MN1: variants seen among roughly 807,000 people sequenced by gnomAD.
The protein encoded by MN1 is transcriptional activator MN1.
In MN1, 19 loss-of-function variants were observed where a neutral mutation model predicts 86.9. That is an observed-to-expected ratio of 0.22 (90% CI 0.15 to 0.32). The LOEUF is 0.32. Among genes scored for constraint, MN1 ranks in the 10% least tolerant of loss-of-function variants. MN1 has a pLI of 1.00. For missense variants in MN1, 1,841 were observed against 1,862.0 expected, an observed-to-expected ratio of 0.99 and a Z score of 0.21; for synonymous variants, 928 against 849.6, an observed-to-expected ratio of 1.09 and a Z score of -1.60.
intron 1 of MN1, among the ~76,000 whole-genome samples, chr22:27,792,348 AT>A (rs1297577082): frequency 0.08 from 11,265 of 140,222 alleles, 556 homozygotes; most frequent in South Asian, 0.14. Context: ...ATATATATAT[AT>A]ATGAATATAT....
chr22:27,752,938 T>G (rs544980448), intron 1 of MN1, among the ~76,000 whole-genome samples: 2 of 152,304 alleles, frequency 1.3e-5, no homozygotes, highest in Non-Finnish European at 2.9e-5. Context: ...CGGCCCGCCC[T>G]GCCCTCTGGG....
chr22:27,753,355 G>C (rs889475964), intron 1 of MN1, among the ~76,000 whole-genome samples: 1 of 152,180 alleles, frequency 6.6e-6, no homozygotes, highest in Non-Finnish European at 1.5e-5. Flanking sequence ...TGTGGCCAAG[G>C]CTCTACCATG....
chr22:27,769,891 C>T (rs902706957), intron 1 of MN1, among the ~76,000 whole-genome samples: 2 of 151,904 alleles, frequency 1.3e-5, no homozygotes, highest in Non-Finnish European at 2.9e-5. Context: ...GCTATGTGGC[C>T]AGCCCCAAGT....
chr22:27,759,887 T>TC, intron 1 of MN1, among the ~76,000 whole-genome samples: 1 of 152,192 alleles, frequency 6.6e-6, no homozygotes, highest in African/African-American at 2.4e-5. Context: ...TATACAACCC[T>TC]CCCCCCAAAT....
rs762012410 is a variant in MN1, at chr22:27,750,871, G to C, written c.*44C>G. 3.3e-6 allele frequency: 5 copies of C among 1,504,580 alleles called. No homozygotes were observed. Among genetic ancestry groups the C allele is most frequent in the East Asian group, 2.3e-5 (1 of 42,618 alleles). The allele number at this position is 1,504,580 out of a possible 1,614,324, so 93.2% of individuals were successfully genotyped here. Reference sequence around the variant, plus strand: ...GGTTGAGGGGGAAGGAAACAGACAGGGGGAGAGGAAGGGCCTGGTAGAGGA... The same window carrying C: ...GGTTGAGGGGGAAGGAAACAGACAGCGGGAGAGGAAGGGCCTGGTAGAGGA... On this transcript the variant is annotated 3_prime_UTR_variant, in exon 2 of 2. Transcript: ENST00000302326.
chr22:27,773,558 A>C (rs1379684674), intron 1 of MN1, among the ~76,000 whole-genome samples: 1 of 152,224 alleles, frequency 6.6e-6, no homozygotes, highest in Non-Finnish European at 1.5e-5. Context: ...TAGCCGAGGA[A>C]ACTGAGACAT....
chr22:27,772,077 G>A (rs1249579079), intron 1 of MN1, among the ~76,000 whole-genome samples: 1 of 152,196 alleles, frequency 6.6e-6, no homozygotes, highest in Non-Finnish European at 1.5e-5. Context: ...GGACGAAAGG[G>A]GCTGTTATGT....
chr22:27,786,734 G>A (rs756143851), intron 1 of MN1, among the ~76,000 whole-genome samples: 21 of 152,040 alleles, frequency 1.4e-4, no homozygotes, highest in Non-Finnish European at 2.5e-4. Context: ...GAGTGATGGT[G>A]AAAGGCGCCA....
chr22:27,761,368 T>C (rs983484967), intron 1 of MN1, among the ~76,000 whole-genome samples: 1 of 150,854 alleles, frequency 6.6e-6, no homozygotes, highest in Non-Finnish European at 1.5e-5. Context: ...CTCCCTCTTA[T>C]TCTCTAGTTC....
intron 1 of MN1, among the ~76,000 whole-genome samples, chr22:27,791,153 G>A (rs1933206115): frequency 6.6e-6 from 1 of 152,062 alleles, no homozygotes; most frequent in Non-Finnish European, 1.5e-5. Flanking sequence ...ACACTGAACT[G>A]CATGGGGCCC....
chr22:27,798,279 G>A lies in MN1; in HGVS notation c.2265C>T (p.Ser755=), dbSNP rs779961291. The A allele has an allele frequency of 3.5e-5, 54 of 1,528,066 alleles. No individual in the cohort carries two copies. Among genetic ancestry groups the A allele is most frequent in the Non-Finnish European group, 4.6e-5 (53 of 1,148,114 alleles). The allele number at this position is 1,528,066 out of a possible 1,614,324, so 94.7% of individuals were successfully genotyped here. The part of the protein sequence containing the change: ...GFPFGAAGRQ[S]TPHSGPGVNS... The stretch of plus-strand genomic sequence containing the variant: ...TCACGCCTGGACCGCTGTGCGGCGT[G>A]GACTGCCGGCCGGCTGCACCAAACG... Residue 755 remains serine, a synonymous_variant, in exon 1 of 2, where the codon TCC becomes TCT. Coordinates refer to ENST00000302326, the MANE Select transcript of MN1 (RefSeq NM_002430.3).
At chr22:27,761,433 A>G (rs201170467) in intron 1 of MN1, among the ~76,000 whole-genome samples, 20,061 of 98,864 alleles carry the variant, frequency 0.2, 1,643 homozygotes, top group Middle Eastern at 0.28. Flanking sequence ...TTTTTGGGGG[A>G]AAAAAAAAAA....
chr22:27,788,829 C>A (rs979167211), intron 1 of MN1, among the ~76,000 whole-genome samples: 1 of 152,128 alleles, frequency 6.6e-6, no homozygotes, highest in African/African-American at 2.4e-5. Context: ...GGGCCCTCAA[C>A]TTTGACGCAG....
intron 1 of MN1, among the ~76,000 whole-genome samples, chr22:27,783,159 G>C (rs1381359854): frequency 1.3e-5 from 2 of 148,566 alleles, no homozygotes; most frequent in African/African-American, 5.0e-5. Flanking sequence ...TCTTGAGACA[G>C]AGTCTTGCTC....
At chr22:27,781,854 G>GCTCTCT (rs148328533) in intron 1 of MN1, among the ~76,000 whole-genome samples, 1 of 148,858 alleles carries the variant, frequency 6.7e-6, no homozygotes, top group Non-Finnish European at 1.5e-5. Flanking sequence ...TCACTCTCAA[G>GCTCTCT]CTCTCTCTCT....
At position 27,800,685 on chromosome 22, in the gene MN1, C is replaced by T; in HGVS notation, c.-142G>A. 2 of 1,119,136 alleles carry T rather than the reference C, an allele frequency of 1.8e-6. No individual in the cohort carries two copies. The highest frequency in any genetic ancestry group is 2.5e-6 in the Non-Finnish European group (2 of 791,572). 69.3% of individuals were successfully genotyped at this position (1,119,136 alleles called of 1,614,324 possible). ...CGGGGGCTCAGCGCGCACCTCCACC[C>T]CGCCTGATGTGAGGGACGGGGGGCG... is the stretch of plus-strand genomic sequence containing the variant. On this transcript the variant is annotated 5_prime_UTR_variant, in exon 1 of 2. Coordinates refer to ENST00000302326, the MANE Select transcript of MN1 (RefSeq NM_002430.3).
intron 1 of MN1, among the ~76,000 whole-genome samples, chr22:27,780,643 G>C (rs1316775929): frequency 2.0e-5 from 3 of 152,098 alleles, no homozygotes; most frequent in East Asian, 1.9e-4. Flanking sequence ...CATCACTCAG[G>C]GATTCTACTT....
At chr22:27,761,719 C>G (rs1237556744) in intron 1 of MN1, among the ~76,000 whole-genome samples, 1 of 152,196 alleles carries the variant, frequency 6.6e-6, no homozygotes, top group Admixed American at 6.5e-5. Context: ...TCTGCAAGGC[C>G]CCCCCGTTCC....
intron 1 of MN1, 87 bp from the exon 2 acceptor site, chr22:27,751,183 C>T: frequency 8.5e-7 from 1 of 1,179,868 alleles, no homozygotes; most frequent in African/African-American, 1.5e-5. Context: ...CAGAGGCATA[C>T]AAGACAGGCA....
Sources: gnomAD v4.1 joint callset for allele counts (sites outside exome capture counted in the v4.1 genomes callset) on GRCh38, gnomAD v4.1.1 for gene constraint, MANE v1.5 for transcripts, NCBI Gene and HGNC (gene_info 2026-07-23, HGNC 2026-07-21) for gene names.